TMEM202: variants seen among roughly 807,000 people sequenced by gnomAD.
TMEM202 encodes transmembrane protein 202.
TMEM202 carries 25 observed loss-of-function variants against 26.1 expected under a neutral mutation model. The ratio of observed to expected loss-of-function variants is 0.96; its 90% confidence interval spans 0.70 to 1.34. The LOEUF is 1.34. TMEM202 is among the 40% of genes most tolerant of loss of function. The probability of loss-of-function intolerance (pLI) is 0.00; values close to 1 mark genes in which losing one functional copy is unlikely to be tolerated. For missense variants in TMEM202, 301 were observed against 327.7 expected (o/e 0.92, Z 0.63); for synonymous variants, 122 against 119.0 (o/e 1.02, Z -0.16).
intron 2 of TMEM202, among the ~76,000 whole-genome samples, chr15:72,402,846 C>T (rs955609256): frequency 6.6e-6 from 1 of 152,080 alleles, no homozygotes; most frequent in Non-Finnish European, 1.5e-5. Flanking sequence ...GACTTAAATA[C>T]TAAGCAGATT....
Position 72,408,213 on chromosome 15 carries a change from G to A in TMEM202, c.*320G>A, listed in dbSNP as rs562104982. ...GGGATCTCATGGACCAGAATGGCCC[G>A]TGGAGAAGAATGTTAATTACTTCTG... On this transcript the variant is annotated 3_prime_UTR_variant, in exon 5 of 5. Transcript: ENST00000341689. Among the ~76,000 whole-genome samples, 18 of 152,298 alleles carry A rather than the reference G, an allele frequency of 1.2e-4. No homozygotes were observed. In the South Asian group the frequency reaches 3.3e-3, roughly 28 times the overall value.
chr15:72,398,333 C>T lies in TMEM202; in HGVS notation c.7C>T (p.Arg3Ter), dbSNP rs143325433. 44 of 1,612,338 alleles carry T rather than the reference C, an allele frequency of 2.7e-5. No homozygotes were observed. The highest frequency in any genetic ancestry group is 1.7e-4 in the Middle Eastern group (1 of 6,052). The part of the protein sequence containing the change: ME[R>*]REHLTLTFHS... ...TAGAGAACTAACTGCCAAGATGGAG[C>T]GAAGGGAACATTTAACCTTGACTTT... The change falls in exon 1 of 5, where the codon CGA becomes TGA. Residue 3 changes from arginine (R) to a stop codon, truncating the protein, a stop_gained. Coordinates refer to ENST00000341689, the MANE Select transcript of TMEM202 (RefSeq NM_001080462.3). LOFTEE classifies it high-confidence loss of function.
At chr15:72,399,068 C>T (rs2063535802) in intron 2 of TMEM202, among the ~76,000 whole-genome samples, 160 bp downstream of exon 2, 1 of 152,224 alleles carries the variant, frequency 6.6e-6, no homozygotes, top group African/African-American at 2.4e-5. Context: ...TGCCCTTTCT[C>T]TCTCCTATTC....
rs372829280 is a variant in TMEM202, at chr15:72,407,913, C to G, written c.*20C>G. On this transcript the variant is annotated 3_prime_UTR_variant, in exon 5 of 5. Coordinates refer to ENST00000341689, the MANE Select transcript of TMEM202 (RefSeq NM_001080462.3). Reference sequence around the variant, plus strand: ...TGGTGATAGGAAAACCTAACTATAGCTTGTCTTAAAAGCAGGGGAGAAGCT... The same window carrying G: ...TGGTGATAGGAAAACCTAACTATAGGTTGTCTTAAAAGCAGGGGAGAAGCT... 18 of 1,602,806 alleles carry G rather than the reference C, an allele frequency of 1.1e-5. No homozygotes were observed. In the African/African-American group the frequency reaches 2.0e-4, roughly 18 times the overall value.
chr15:72,405,902 C>G (rs750547598), intron 2 of TMEM202, among the ~76,000 whole-genome samples: 7 of 152,050 alleles, frequency 4.6e-5, no homozygotes, highest in Non-Finnish European at 1.0e-4. Context: ...GAATGAGACT[C>G]TGTCTCAAAA....
chr15:72,399,180 C>T (rs546173127), intron 2 of TMEM202, among the ~76,000 whole-genome samples: 1 of 152,222 alleles, frequency 6.6e-6, no homozygotes, highest in African/African-American at 2.4e-5. Flanking sequence ...GCTCTAACGC[C>T]TAGCCGAAGT....
intron 1 of TMEM202, 59 bp downstream of exon 1, chr15:72,398,466 G>C (rs2063531840): frequency 6.8e-7 from 1 of 1,474,836 alleles, no homozygotes; most frequent in Non-Finnish European, 9.2e-7. Context: ...TAAAGGCAGG[G>C]CTACACAGAG....
intron 3 of TMEM202, 29 bp from the exon 4 acceptor site, chr15:72,407,057 G>A: frequency 6.2e-7 from 1 of 1,609,776 alleles, no homozygotes; most frequent in Non-Finnish European, 8.5e-7. Flanking sequence ...GATGCTGATG[G>A]GTTGTGACAT....
intron 3 of TMEM202, 137 bp from the exon 4 acceptor site, chr15:72,406,949 A>G (rs1163373128): frequency 1.5e-6 from 2 of 1,292,524 alleles, no homozygotes; most frequent in African/African-American, 1.5e-5. Context: ...CCTTTCTCTC[A>G]TCTTGGTCAG....
rs1309010108 is a variant in TMEM202 at position 72,398,643 on chromosome 15, A to G, written c.82-10A>G. On this transcript the variant is annotated splice_polypyrimidine_tract_variant and intron_variant, in intron 1 of 4. Transcript: ENST00000341689. ...CTTTCGGGTAGGCAATATTTCCCTC[A>G]TCCTTGTAGCCTACCGTCCCTGCCA... 1 of 1,613,214 alleles carries G rather than the reference A, an allele frequency of 6.2e-7. No homozygotes were observed. Among genetic ancestry groups the G allele is most frequent in the Admixed American group, 1.7e-5 (1 of 59,968 alleles).
At position 72,407,886 on chromosome 15, in the gene TMEM202, G is replaced by T. The variant is rs2063581038; in HGVS notation, c.815G>T (p.Trp272Leu). 6.2e-7 allele frequency: 1 copy of T among 1,612,924 alleles called. No individual in the cohort carries two copies. The highest frequency in any genetic ancestry group is 1.3e-5 in the African/African-American group (1 of 74,880). ...AAAAATTTACCAAAGTCAGGACTGTGGTGGTGATAGGAAAACCTAACTATA... is the reference window on the plus strand; with the variant it reads ...AAAAATTTACCAAAGTCAGGACTGTTGTGGTGATAGGAAAACCTAACTATA... ...REKNLPKSGL[W>L]W Residue 272 changes from tryptophan to leucine, a missense_variant, in exon 5 of 5, where the codon TGG becomes TTG. By Grantham distance (61) the Trp-to-Leu change is moderately conservative. Coordinates refer to ENST00000341689, the MANE Select transcript of TMEM202 (RefSeq NM_001080462.3).
intron 4 of TMEM202, 37 bp from the exon 5 acceptor site, chr15:72,407,654 C>T: frequency 6.3e-7 from 1 of 1,588,614 alleles, no homozygotes; most frequent in East Asian, 2.2e-5. Flanking sequence ...AGACCATTGC[C>T]TATTGAACCT....
At chr15:72,400,380 G>A (rs553044483) in intron 2 of TMEM202, among the ~76,000 whole-genome samples, 6 of 152,182 alleles carry the variant, frequency 3.9e-5, no homozygotes, top group African/African-American at 9.6e-5. Context: ...ACTCCCATAC[G>A]CATTCCTGTA....
chr15:72,399,864 G>A (rs1353259411), intron 2 of TMEM202, among the ~76,000 whole-genome samples: 1 of 152,178 alleles, frequency 6.6e-6, no homozygotes, highest in Non-Finnish European at 1.5e-5. Flanking sequence ...AAAGAAGTGG[G>A]TATTGTGAAA....
At chr15:72,402,867 C>T (rs1430279262) in intron 2 of TMEM202, among the ~76,000 whole-genome samples, 1 of 152,044 alleles carries the variant, frequency 6.6e-6, no homozygotes, top group Non-Finnish European at 1.5e-5. Context: ...TCATAGATAC[C>T]TCTTCAGGGT....
chr15:72,398,516 G>GGT, intron 1 of TMEM202, 109 bp downstream of exon 1: 1 of 1,154,042 alleles, frequency 8.7e-7, no homozygotes, highest in Non-Finnish European at 1.2e-6. Context: ...AAATTGTGGG[G>GGT]TTTTTTTTTT....
In TMEM202 at chr15:72,403,114, C is replaced by T. The variant is rs189128864; in HGVS notation, c.338-3488C>T. ...CTTCCACAACAGTAGAAGGAGATCC[C>T]GCCCATTATTTACAAACTGCCAAAT... On this transcript the variant is annotated intron_variant, in intron 2 of 4. Transcript: ENST00000341689. Among the ~76,000 whole-genome samples the T allele has an allele frequency of 1.1e-4, 17 of 152,258 alleles. 2 individuals are homozygous for T. The East Asian group carries it at 2.9e-3, about 26-fold the overall frequency.
chr15:72,398,464 G>A (rs534106475), intron 1 of TMEM202, 57 bp downstream of exon 1: 2 of 1,492,382 alleles, frequency 1.3e-6, no homozygotes, highest in Non-Finnish European at 1.8e-6. Flanking sequence ...CTTAAAGGCA[G>A]GGCTACACAG....
Position 72,407,862 on chromosome 15 carries a change from A to G in TMEM202, c.791A>G (p.Lys264Arg), listed in dbSNP as rs2063580820. 2 of 1,613,946 alleles carry G rather than the reference A, an allele frequency of 1.2e-6. No individual in the cohort carries two copies. The highest frequency in any genetic ancestry group is 3.3e-5 in the Admixed American group (2 of 60,008). ...SEMESLSVRE[K>R]NLPKSGLWW ...ATGGAATCTCTAAGTGTGAGAGAGA[A>G]AAATTTACCAAAGTCAGGACTGTGG... The change falls in exon 5 of 5, where the codon AAA (lysine) becomes AGA (arginine). Residue 264 changes from lysine to arginine, a missense_variant. Lys to Arg is a conservative substitution (Grantham distance 26). Coordinates refer to ENST00000341689, the MANE Select transcript of TMEM202 (RefSeq NM_001080462.3).
Sources: gnomAD v4.1 joint callset for allele counts (sites outside exome capture counted in the v4.1 genomes callset) on GRCh38, gnomAD v4.1.1 for gene constraint, MANE v1.5 for transcripts, NCBI Gene and HGNC (gene_info 2026-07-23, HGNC 2026-07-21) for gene names.